The following GNG4 variants were observed in gnomAD, a reference collection of about 807,000 sequenced individuals.
GNG4 encodes the protein G protein subunit gamma 4, also known as guanine nucleotide-binding protein G(I)/G(S)/G(O) subunit gamma-4.
A neutral mutation model predicts 5.8 loss-of-function variants in GNG4; 4 were observed. That is an observed-to-expected ratio of 0.69 (90% CI 0.34 to 1.57). The LOEUF (loss-of-function observed/expected upper bound fraction) is 1.57. Ranked by LOEUF, GNG4 falls within the 40% of genes most tolerant of loss-of-function variation. The pLI is 0.06. For synonymous variants in GNG4, 29 were observed against 32.9 expected (o/e 0.88, Z 0.41); for missense variants, 96 against 95.1 (o/e 1.01, Z -0.04).
Position 235,635,564 on chromosome 1 carries a change from G to T in GNG4, c.-123+14098C>A. On this transcript the variant is annotated intron_variant, in intron 1 of 3. Transcript: ENST00000391854. Reference sequence around the variant, plus strand: ...GGTGGGAGGCGTTTGAGTCATGGGGGTGGAGCCCTCCTGAGGCCTCCCCAG... The same window carrying T: ...GGTGGGAGGCGTTTGAGTCATGGGGTTGGAGCCCTCCTGAGGCCTCCCCAG... 1.3e-5 allele frequency among the ~76,000 whole-genome samples: 2 copies of T among 151,948 alleles called. 1 individual carries two copies. The highest frequency in any genetic ancestry group is 2.9e-5 in the Non-Finnish European group (2 of 67,996).
intron 1 of GNG4, among the ~76,000 whole-genome samples, chr1:235,599,221 C>G (rs1019874355): frequency 6.6e-6 from 1 of 152,182 alleles, no homozygotes; most frequent in Non-Finnish European, 1.5e-5. Flanking sequence ...GCTTCAGTAT[C>G]CCCTGGAGCT....
intron 2 of GNG4, among the ~76,000 whole-genome samples, chr1:235,594,847 T>C (rs1020423539): frequency 2.6e-5 from 4 of 152,184 alleles, no homozygotes; most frequent in Non-Finnish European, 4.4e-5. Flanking sequence ...AGCAGAGGGC[T>C]GAAGGGCTCC....
At chr1:235,583,991 G>A (rs1687705264) in intron 2 of GNG4, 143 bp from the exon 3 acceptor site, 2 of 495,846 alleles carry the variant, frequency 4.0e-6, no homozygotes, top group Non-Finnish European at 7.3e-6. Flanking sequence ...ACCCTCCTGG[G>A]ATAAGAGAAA....
chr1:235,640,635 G>T (rs1211700834), intron 1 of GNG4, among the ~76,000 whole-genome samples: 1 of 152,250 alleles, frequency 6.6e-6, no homozygotes, highest in African/African-American at 2.4e-5. Flanking sequence ...GCCAAGCTGC[G>T]TCCTTGAGCC....
intron 3 of GNG4, among the ~76,000 whole-genome samples, chr1:235,581,450 A>C (rs1363595686): frequency 1.3e-5 from 2 of 151,520 alleles, no homozygotes; most frequent in Non-Finnish European, 2.9e-5. Context: ...AATGGCGTGA[A>C]CCCGGGAGGC....
At chr1:235,585,372 T>C (rs1687734551) in intron 2 of GNG4, among the ~76,000 whole-genome samples, 1 of 152,192 alleles carries the variant, frequency 6.6e-6, no homozygotes, top group Non-Finnish European at 1.5e-5. Context: ...CCTGAGTAGC[T>C]GAGACTACAG....
At chr1:235,582,997 G>GT (rs1306036910) in intron 3 of GNG4, among the ~76,000 whole-genome samples, 1 of 152,196 alleles carries the variant, frequency 6.6e-6, no homozygotes, top group Non-Finnish European at 1.5e-5. Flanking sequence ...TGGATTCTGT[G>GT]TTTTTTGAAT....
intron 1 of GNG4, among the ~76,000 whole-genome samples, chr1:235,641,295 T>C (rs1270001421): frequency 6.6e-6 from 1 of 151,946 alleles, no homozygotes; most frequent in Non-Finnish European, 1.5e-5. Context: ...GAGACTGAAG[T>C]GGAAGGCTCA....
At chr1:235,626,958 CA>C (rs776506587) in intron 1 of GNG4, among the ~76,000 whole-genome samples, 96 of 77,338 alleles carry the variant, frequency 1.2e-3, no homozygotes, top group East Asian at 4.7e-3. Flanking sequence ...GACTCTATCT[CA>C]AAAAAAAAAA....
intron 1 of GNG4, among the ~76,000 whole-genome samples, chr1:235,602,509 G>A (rs1443478498): frequency 1.3e-5 from 2 of 152,174 alleles, no homozygotes; most frequent in Admixed American, 6.5e-5. Flanking sequence ...TTAAGTCACC[G>A]TGTTTCTGCG....
Position 235,649,679 on chromosome 1 carries a change from G to C in GNG4, c.-140C>G, listed in dbSNP as rs1269719750. 1.3e-5 allele frequency: 2 copies of C among 152,090 alleles called. No homozygotes were observed. Among genetic ancestry groups the C allele is most frequent in the Non-Finnish European group, 2.9e-5 (2 of 68,004 alleles). The allele number at this position is 152,090 out of a possible 1,614,324, so 9.4% of individuals were successfully genotyped here. On this transcript the variant is annotated 5_prime_UTR_variant, in exon 1 of 4. Transcript: ENST00000391854. This position sits in a 1 kb window ranked among gnomAD's most constrained non-coding sequence, Gnocchi z 5.7. ...CCACTTACCCGGAGCGGGATCACGC[G>C]CGGGCTTCGTCTGCAGCGCGGTGCT...
At chr1:235,605,128 C>A (rs1435109489) in intron 1 of GNG4, among the ~76,000 whole-genome samples, 2 of 151,696 alleles carry the variant, frequency 1.3e-5, no homozygotes, top group East Asian at 3.9e-4. Flanking sequence ...ATTCATTAAA[C>A]ACATACTATG....
intron 1 of GNG4, among the ~76,000 whole-genome samples, chr1:235,596,398 G>A (rs544420766): frequency 2.6e-4 from 39 of 152,208 alleles, no homozygotes; most frequent in Non-Finnish European, 3.7e-4. Flanking sequence ...TTAGCCAGGC[G>A]TGGTGGCACA....
At chr1:235,612,809 C>G in intron 1 of GNG4, among the ~76,000 whole-genome samples, 1 of 152,184 alleles carries the variant, frequency 6.6e-6, no homozygotes, top group East Asian at 1.9e-4. Context: ...AGGCATGAGC[C>G]ATCATGCCCG....
chr1:235,596,660 A>T lies in GNG4; in HGVS notation c.-122-1149T>A, dbSNP rs552796273. Reference sequence around the variant, plus strand: ...GATGTATAATATACTTACATGCATTAGAAATTTGATTTCAACCAAAGGACA... The same window carrying T: ...GATGTATAATATACTTACATGCATTTGAAATTTGATTTCAACCAAAGGACA... On this transcript the variant is annotated intron_variant, in intron 1 of 3. Transcript: ENST00000391854. Among the ~76,000 whole-genome samples the T allele has an allele frequency of 1.3e-4, 20 of 152,366 alleles. 1 individual carries two copies. The South Asian group carries it at 3.9e-3, about 30-fold the overall frequency.
intron 2 of GNG4, among the ~76,000 whole-genome samples, chr1:235,590,363 G>A (rs1024389276): frequency 2.0e-5 from 3 of 152,034 alleles, no homozygotes; most frequent in African/African-American, 4.8e-5. Context: ...GCTGAGACAG[G>A]AGAATTGCTT....
intron 3 of GNG4, among the ~76,000 whole-genome samples, chr1:235,560,693 C>A (rs1182609218): frequency 6.6e-6 from 1 of 152,194 alleles, no homozygotes; most frequent in Non-Finnish European, 1.5e-5. Context: ...TGGCCCTGAC[C>A]AGATCATCCC....
intron 3 of GNG4, among the ~76,000 whole-genome samples, chr1:235,558,350 T>C (rs1686972178): frequency 1.3e-5 from 2 of 152,232 alleles, no homozygotes; most frequent in Non-Finnish European, 2.9e-5. Flanking sequence ...CCCCGTCTTT[T>C]CACATAGCGT....
At chr1:235,620,194 T>A (rs1164528678) in intron 1 of GNG4, among the ~76,000 whole-genome samples, 2 of 152,042 alleles carry the variant, frequency 1.3e-5, no homozygotes, top group East Asian at 1.9e-4. Flanking sequence ...AGAAACCCTG[T>A]CTCTATTAAA....
Sources: gnomAD v4.1 joint callset for allele counts (sites outside exome capture counted in the v4.1 genomes callset) on GRCh38, gnomAD v4.1.1 for gene constraint, Gnocchi (gnomAD v3.1) non-coding constraint, MANE v1.5 for transcripts, NCBI Gene and HGNC (gene_info 2026-07-23, HGNC 2026-07-21) for gene names.